The following RYR3 variants were observed in gnomAD, a reference collection of about 807,000 sequenced individuals.
The protein encoded by RYR3 is brain ryanodine receptor-calcium release channel.
A neutral mutation model predicts 584.3 loss-of-function variants in RYR3; 207 were observed. The ratio of observed to expected loss-of-function variants is 0.35; its 90% CI spans 0.32 to 0.40. RYR3 has a LOEUF of 0.40. RYR3 is among the 10% of genes least tolerant of loss of function. RYR3 has a pLI of 1.00. For missense variants in RYR3, 5,616 were observed against 6,089.2 expected (o/e 0.92, Z 2.59); for synonymous variants, 2,416 against 2,248.5 (o/e 1.07, Z -2.11).
chr15:33,728,686 C>A (rs2068667761), intron 46 of RYR3, among the ~76,000 whole-genome samples, 171 bp from the exon 47 acceptor site: 1 of 152,194 alleles, frequency 6.6e-6, no homozygotes, highest in South Asian at 2.1e-4. Flanking sequence ...AGTTTCAGAT[C>A]TTGGTGCATT....
At chr15:33,854,295 A>G (rs1274652939) in intron 96 of RYR3, 94 bp from the exon 97 acceptor site, 1 of 954,156 alleles carries the variant, frequency 1.0e-6, no homozygotes, top group Non-Finnish European at 1.6e-6. Flanking sequence ...TTAGGTTATT[A>G]AACCTGAGAG....
chr15:33,793,924 C>CTCTCTATATA (rs372089329), intron 67 of RYR3, among the ~76,000 whole-genome samples: 2 of 141,778 alleles, frequency 1.4e-5, no homozygotes, highest in Admixed American at 1.5e-4. Flanking sequence ...CACACACACT[C>CTCTCTATATA]TATATATATA....
intron 12 of RYR3, among the ~76,000 whole-genome samples, chr15:33,574,259 C>A (rs2058181972): frequency 6.6e-6 from 1 of 152,114 alleles, no homozygotes; most frequent in South Asian, 2.1e-4. Context: ...TTCTTGACCA[C>A]CCTCGGTGTT....
intron 94 of RYR3, chr15:33,851,525 C>G (rs1023494341): frequency 1.3e-5 from 2 of 152,142 alleles, no homozygotes; most frequent in African/African-American, 4.8e-5. Flanking sequence ...GGTCTGTTCT[C>G]TATGCCACAC....
chr15:33,584,383 C>T lies in RYR3; in HGVS notation c.1574-12C>T, dbSNP rs75791977. ...CTTTAACCTCTATGATCAAACATCTCCTTGTTTGCAGCTGCTCTCATTCGC... is the reference window on the plus strand; with the variant it reads ...CTTTAACCTCTATGATCAAACATCTTCTTGTTTGCAGCTGCTCTCATTCGC... On this transcript the variant is annotated splice_polypyrimidine_tract_variant and intron_variant, in intron 14 of 103. Coordinates refer to ENST00000634891, the MANE Select transcript of RYR3 (RefSeq NM_001036.6). 12,631 of 1,512,408 alleles carry T rather than the reference C, an allele frequency of 8.4e-3. 615 individuals carry two copies. In the African/African-American group the frequency reaches 0.13, roughly 15 times the overall value. 93.7% of individuals were successfully genotyped at this position (1,512,408 alleles called of 1,614,324 possible). A position where few individuals can be genotyped will look rare whatever the true frequency, so the allele number is the denominator to read the frequency against.
chr15:33,374,914 T>G lies in RYR3; in HGVS notation c.51+63818T>G, dbSNP rs117602588. On this transcript the variant is annotated intron_variant, in intron 1 of 103. Coordinates refer to ENST00000634891, the MANE Select transcript of RYR3 (RefSeq NM_001036.6). ...AAATTGGTGCTCCTTGCTTCTAAAT[T>G]TAAAAGTGCTGCTATTTACTTTAAA... 1.2e-3 allele frequency among the ~76,000 whole-genome samples: 187 copies of G among 152,302 alleles called. 3 individuals carry two copies. The East Asian group carries it at 0.033, about 27-fold the overall frequency.
chr15:33,448,862 T>C (rs2046883601), intron 1 of RYR3, among the ~76,000 whole-genome samples: 1 of 151,996 alleles, frequency 6.6e-6, no homozygotes. Context: ...TTGCAGCTGA[T>C]TGGAAGTGGC....
In RYR3 at chr15:33,612,521, C is replaced by T. The variant is rs377605420; in HGVS notation, c.2165-662C>T. 1.1e-3 allele frequency among the ~76,000 whole-genome samples: 160 copies of T among 152,230 alleles called. 1 individual carries two copies. Among genetic ancestry groups the T allele is most frequent in the African/African-American group, 3.5e-3 (144 of 41,534 alleles). On this transcript the variant is annotated intron_variant, in intron 18 of 103. Transcript: ENST00000634891. The stretch of plus-strand genomic sequence containing the variant: ...GATTACAGGCATGCGCCACCACACC[C>T]GGCTACTTTTGTATTTTTAGTAGAG...
intron 43 of RYR3, among the ~76,000 whole-genome samples, chr15:33,717,370 C>T (rs796108377): frequency 8.4e-4 from 128 of 152,302 alleles, no homozygotes; most frequent in African/African-American, 3.0e-3. Context: ...CGAGGATTCT[C>T]CATCTCCTTA....
At chr15:33,476,452 A>G (rs2049387327) in intron 2 of RYR3, among the ~76,000 whole-genome samples, 1 of 152,222 alleles carries the variant, frequency 6.6e-6, no homozygotes, top group African/African-American at 2.4e-5. Context: ...CTTTGTCACA[A>G]CTATTTTCAT....
intron 1 of RYR3, among the ~76,000 whole-genome samples, chr15:33,472,973 C>T (rs2049053332): frequency 1.3e-5 from 2 of 152,038 alleles, no homozygotes; most frequent in African/African-American, 4.8e-5. Context: ...TCTTCCACAA[C>T]CTGAAACCCC....
chr15:33,514,633 A>C (rs1363875001), intron 3 of RYR3, among the ~76,000 whole-genome samples: 1 of 149,684 alleles, frequency 6.7e-6, no homozygotes, highest in Non-Finnish European at 1.5e-5. Flanking sequence ...TTTACACCTT[A>C]TATCTTCATA....
Position 33,553,511 on chromosome 15 carries a change from C to G in RYR3, c.972+3195C>G, listed in dbSNP as rs780209982. Among the ~76,000 whole-genome samples the G allele has an allele frequency of 3.0e-4, 46 of 152,148 alleles. 1 individual carries two copies. Among genetic ancestry groups the G allele is most frequent in the Non-Finnish European group, 4.3e-4 (29 of 68,032 alleles). On this transcript the variant is annotated intron_variant, in intron 10 of 103. Coordinates refer to ENST00000634891, the MANE Select transcript of RYR3 (RefSeq NM_001036.6). ...CTGAAAGGTGACCAAGTCCAAGAAC[C>G]AACCAGCTGCAGTTATTGGCCGGGC...
chr15:33,683,578 C>T lies in RYR3; in HGVS notation c.5861-12640C>T, dbSNP rs545384474. 2.5e-3 allele frequency among the ~76,000 whole-genome samples: 383 copies of T among 152,274 alleles called. 3 individuals are homozygous for T. The highest frequency in any genetic ancestry group is 8.4e-3 in the African/African-American group (350 of 41,554). ...CTCCCAGCATGATTGACACAGAAGA[C>T]GGGTGATTTCTGCATTTCCAGATGA... On this transcript the variant is annotated intron_variant, in intron 38 of 103. Coordinates refer to ENST00000634891, the MANE Select transcript of RYR3 (RefSeq NM_001036.6).
At position 33,831,023 on chromosome 15, in the gene RYR3, C is replaced by G. The variant is rs1260899329; in HGVS notation, c.11395C>G (p.Gln3799Glu). ...GAAGGACATCATTGATGAATCTGGA[C>G]AGCACAATTTTTCCAAAGCTCTGGC... ...SGKDIIDESG[Q>E]HNFSKALAVT... The change falls in exon 86 of 104, where the codon CAG (glutamine) becomes GAG (glutamate). Residue 3799 changes from glutamine to glutamate, a missense_variant. Coordinates refer to ENST00000634891, the MANE Select transcript of RYR3 (RefSeq NM_001036.6). The G allele has an allele frequency of 6.2e-7, 1 of 1,613,538 alleles. No individual in the cohort carries two copies. The highest frequency in any genetic ancestry group is 1.7e-5 in the Admixed American group (1 of 60,008).
intron 91 of RYR3, among the ~76,000 whole-genome samples, chr15:33,843,095 G>T (rs2078478212): frequency 6.6e-6 from 1 of 152,002 alleles, no homozygotes; most frequent in Non-Finnish European, 1.5e-5. Context: ...CGAGATGGGT[G>T]GATCACGAGG....
chr15:33,547,502 A>G (rs907750175), intron 8 of RYR3, among the ~76,000 whole-genome samples: 2 of 152,224 alleles, frequency 1.3e-5, no homozygotes, highest in Non-Finnish European at 2.9e-5. Context: ...ATCATACAGG[A>G]ACTCTCTGGA....
rs970999148 is a variant in RYR3, at chr15:33,865,564, C to A, written c.*338C>A. 2 of 223,470 alleles carry A rather than the reference C, an allele frequency of 8.9e-6. No individual in the cohort carries two copies. The highest frequency in any genetic ancestry group is 1.7e-3 in the Middle Eastern group (1 of 594). 13.8% of individuals were successfully genotyped at this position (223,470 alleles called of 1,614,324 possible). A position where few individuals can be genotyped will look rare whatever the true frequency, so the allele number is the denominator to read the frequency against. Reference sequence around the variant, plus strand: ...AAAGGGCTAGAGAAGTATGAAATCTCGAATGTGTAATACCTGAAAATTTAA... The same window carrying A: ...AAAGGGCTAGAGAAGTATGAAATCTAGAATGTGTAATACCTGAAAATTTAA... On this transcript the variant is annotated 3_prime_UTR_variant, in exon 104 of 104. Coordinates refer to ENST00000634891, the MANE Select transcript of RYR3 (RefSeq NM_001036.6).
chr15:33,515,473 A>G (rs920098824), intron 3 of RYR3, among the ~76,000 whole-genome samples: 2 of 152,216 alleles, frequency 1.3e-5, no homozygotes, highest in Non-Finnish European at 2.9e-5. Flanking sequence ...TCTCAATAAT[A>G]TAGTCTCTAC....
Sources: allele counts gnomAD v4.1 joint callset (sites outside exome capture counted in the v4.1 genomes callset), GRCh38; gene constraint gnomAD v4.1.1; transcripts MANE v1.5; gene names NCBI Gene and HGNC (gene_info 2026-07-23, HGNC 2026-07-21).